Variants in RGL1 observed in about 807,000 individuals in gnomAD.
The protein encoded by RGL1 is ral guanine nucleotide dissociation stimulator-like 1.
In RGL1, 24 loss-of-function variants were observed where a neutral mutation model predicts 95.2. The ratio of observed to expected loss-of-function variants is 0.25; its 90% CI spans 0.18 to 0.35. RGL1 has a LOEUF of 0.35. Ranked by LOEUF, RGL1 falls within the 10% of genes least tolerant of loss-of-function variation. RGL1 has a pLI of 1.00. For missense variants in RGL1, 715 were observed against 936.3 expected, an observed-to-expected ratio of 0.76 and a Z score of 3.08; for synonymous variants, 329 against 344.9, an observed-to-expected ratio of 0.95 and a Z score of 0.51.
rs568770246 is a variant in RGL1, at chr1:183,884,598, A to G, written c.736-125A>G. 8.5e-4 allele frequency: 623 copies of G among 729,838 alleles called. 1 individual carries two copies. Among genetic ancestry groups the G allele is most frequent in the Non-Finnish European group, 1.3e-3 (565 of 435,158 alleles). The allele number at this position is 729,838 out of a possible 1,614,324, so 45.2% of individuals were successfully genotyped here. On this transcript the variant is annotated intron_variant, in intron 6 of 17. Coordinates refer to ENST00000360851, the MANE Select transcript of RGL1 (RefSeq NM_001297671.3). Reference sequence around the variant, plus strand: ...TCTGTTGAAATGGACACCATGAGACAAATCAAGTAGAAAAGGATTATCTGG... The same window carrying G: ...TCTGTTGAAATGGACACCATGAGACGAATCAAGTAGAAAAGGATTATCTGG...
chr1:183,754,314 T>G lies in RGL1; in HGVS notation c.132+12025T>G, dbSNP rs190260548. On this transcript the variant is annotated intron_variant, in intron 2 of 18. Coordinates refer to the RGL1 transcript ENST00000304685. ...TCCTGTTAGATTCTCTCCCATAAGC[T>G]AACCTTGGGCTTTGTATATTGTTCC... 1.2e-4 allele frequency: 18 copies of G among 152,364 alleles called. No homozygotes were observed. The East Asian group carries it at 3.3e-3, about 28-fold the overall frequency. 9.4% of individuals were successfully genotyped at this position (152,364 alleles called of 1,614,324 possible). A position where few individuals can be genotyped will look rare whatever the true frequency, so the allele number is the denominator to read the frequency against.
intron 2 of RGL1, among the ~76,000 whole-genome samples, chr1:183,812,738 G>A (rs778751695): frequency 5.9e-5 from 9 of 152,204 alleles, no homozygotes; most frequent in Non-Finnish European, 1.3e-4. Flanking sequence ...AGTGACGGAT[G>A]AGTGAGAGTT....
At chr1:183,753,958 T>TC (rs1658184038) in intron 2 of RGL1, among the ~76,000 whole-genome samples, 2 of 151,706 alleles carry the variant, frequency 1.3e-5, no homozygotes, top group African/African-American at 4.8e-5. Flanking sequence ...GGGTTCATTT[T>TC]TTTTTTTTCT....
chr1:183,648,516 C>T (rs1373425083), intron 1 of RGL1: 2 of 1,614,134 alleles, frequency 1.2e-6, no homozygotes, highest in Admixed American at 3.3e-5. Flanking sequence ...GATATAATTC[C>T]CAGTGCAACT....
chr1:183,758,563 TG>T (rs1658487479), intron 2 of RGL1, among the ~76,000 whole-genome samples: 1 of 152,146 alleles, frequency 6.6e-6, no homozygotes, highest in Admixed American at 6.5e-5. Context: ...CCAGCATGTT[TG>T]GGTTCTGGTG....
intron 1 of RGL1, among the ~76,000 whole-genome samples, chr1:183,689,671 A>T (rs1214102369): frequency 2.0e-5 from 3 of 152,202 alleles, no homozygotes; most frequent in Non-Finnish European, 4.4e-5. Context: ...TGCTGAGTGA[A>T]TAAATAAAAA....
At chr1:183,847,181 G>A (rs1166606754) in intron 2 of RGL1, among the ~76,000 whole-genome samples, 2 of 152,174 alleles carry the variant, frequency 1.3e-5, no homozygotes, top group Admixed American at 6.5e-5. Flanking sequence ...GCATGCAGTG[G>A]CTCACACCTA....
chr1:183,677,677 A>C (rs114394041), intron 1 of RGL1, among the ~76,000 whole-genome samples: 1,580 of 152,298 alleles, frequency 0.01, 32 homozygotes, highest in African/African-American at 0.036. Flanking sequence ...CTATGTATTG[A>C]ACCTTTATTA....
In RGL1 at chr1:183,926,011, C is replaced by T. The variant is rs545802472; in HGVS notation, c.2120-94C>T. 8.0e-5 allele frequency: 86 copies of T among 1,070,266 alleles called. No individual in the cohort carries two copies. The South Asian group carries it at 9.6e-4, about 12-fold the overall frequency. The allele number at this position is 1,070,266 out of a possible 1,614,324, so 66.3% of individuals were successfully genotyped here. ...TTCCAGAGATGAAGGGCCGTAGTCC[C>T]GTTCTTGTGTCTGGGCAAGGTTTAC... On this transcript the variant is annotated intron_variant, in intron 17 of 17. Transcript: ENST00000360851.
At chr1:183,750,950 G>A (rs1263370526) in intron 2 of RGL1, among the ~76,000 whole-genome samples, 2 of 152,220 alleles carry the variant, frequency 1.3e-5, no homozygotes, top group Non-Finnish European at 2.9e-5. Flanking sequence ...TCCCAGAGGG[G>A]CACCTGCCAG....
intron 2 of RGL1, among the ~76,000 whole-genome samples, chr1:183,824,619 G>A (rs1294000189): frequency 1.3e-5 from 2 of 152,072 alleles, no homozygotes; most frequent in African/African-American, 4.8e-5. Context: ...ATTTTGACAA[G>A]GCTCAGTTCA....
intron 1 of RGL1, among the ~76,000 whole-genome samples, chr1:183,703,291 A>G (rs553719864): frequency 6.6e-6 from 1 of 152,298 alleles, no homozygotes; most frequent in East Asian, 1.9e-4. Flanking sequence ...TTTTGGGGGT[A>G]TTTTTGAGAG....
intron 2 of RGL1, among the ~76,000 whole-genome samples, chr1:183,761,855 G>A (rs1239573785): frequency 2.0e-5 from 3 of 152,176 alleles, no homozygotes; most frequent in Non-Finnish European, 4.4e-5. Context: ...TTCTGTATCA[G>A]CATTTACTGC....
At chr1:183,844,040 G>A (rs1572491616) in intron 2 of RGL1, among the ~76,000 whole-genome samples, 1 of 115,218 alleles carries the variant, frequency 8.7e-6, no homozygotes, top group African/African-American at 4.1e-5. Flanking sequence ...TGGCCAGGCT[G>A]TTCTTGAACT....
chr1:183,659,357 C>T (rs1272621997), intron 1 of RGL1, among the ~76,000 whole-genome samples: 2 of 152,060 alleles, frequency 1.3e-5, no homozygotes, highest in Non-Finnish European at 2.9e-5. Context: ...CAGAGAAGTG[C>T]TTAAAGGAGC....
chr1:183,809,813 T>C (rs527255638), intron 2 of RGL1, among the ~76,000 whole-genome samples: 1 of 152,150 alleles, frequency 6.6e-6, no homozygotes, highest in Admixed American at 6.5e-5. Context: ...AAAAATTAGC[T>C]GAGTGTGGTG....
rs1023245915 is a variant in RGL1, at chr1:183,805,329, C to A, written c.27+5C>A. The A allele has an allele frequency of 1.2e-6, 2 of 1,610,310 alleles. No individual in the cohort carries two copies. Among genetic ancestry groups the A allele is most frequent in the African/African-American group, 2.7e-5 (2 of 74,920 alleles). On this transcript the variant is annotated splice_donor_5th_base_variant and intron_variant, in intron 1 of 17. Transcript: ENST00000360851. ...TTGCTTTGGCAAGCTAAAATGGTAA[C>A]GAGAGCTCTCTGCCTTCTCCCGAGG...
intron 2 of RGL1, among the ~76,000 whole-genome samples, chr1:183,752,208 A>G (rs901516180): frequency 1.4e-4 from 21 of 151,274 alleles, no homozygotes; most frequent in East Asian, 1.2e-3. Context: ...ATCCTTGTCA[A>G]TTCTTGGAAT....
chr1:183,709,646 A>G, intron 1 of RGL1: 1 of 214,024 alleles, frequency 4.7e-6, no homozygotes, highest in South Asian at 8.6e-5. Flanking sequence ...ATAAGCTGTC[A>G]CAGTTATTTA....
Sources: gnomAD v4.1 joint callset for allele counts (sites outside exome capture counted in the v4.1 genomes callset) on GRCh38, gnomAD v4.1.1 for gene constraint, MANE v1.5 for transcripts, NCBI Gene and HGNC (gene_info 2026-07-23, HGNC 2026-07-21) for gene names.